ABCD2: variants seen among roughly 807,000 people sequenced by gnomAD.
The protein encoded by ABCD2 is ATP-binding cassette sub-family D member 2.
Under a neutral mutation model 70.9 loss-of-function variants are expected in ABCD2, and 36 were observed. The observed-to-expected ratio is 0.51, with a 90% confidence interval of 0.39 to 0.67. The LOEUF (loss-of-function observed/expected upper bound fraction) is 0.67. Among genes scored for constraint, ABCD2 ranks in the 30% least tolerant of loss-of-function variants. The pLI is 0.00. For synonymous variants in ABCD2, 304 were observed against 306.9 expected, an observed-to-expected ratio of 0.99 and a Z score of 0.10; for missense variants, 729 against 890.2, an observed-to-expected ratio of 0.82 and a Z score of 2.30.
chr12:39,609,741 C>T (rs1052129164), intron 2 of ABCD2, among the ~76,000 whole-genome samples: 3 of 152,102 alleles, frequency 2.0e-5, no homozygotes, highest in African/African-American at 7.2e-5. Flanking sequence ...TACTTTATGC[C>T]TTGCTGTAAT....
the ABCD2 span, among the ~76,000 whole-genome samples, chr12:39,540,707 A>G: frequency 6.8e-3 from 1,036 of 152,320 alleles, 6 homozygotes; most frequent in South Asian, 0.025. Context: ...TAACCTGAAC[A>G]TTTCCTTTCT....
the ABCD2 span, among the ~76,000 whole-genome samples, chr12:39,531,860 C>T: frequency 3.2e-4 from 48 of 152,208 alleles, no homozygotes; most frequent in Middle Eastern, 3.2e-3. Context: ...TCGCAAATGC[C>T]GCCCAGGGGC....
intron 8 of ABCD2, among the ~76,000 whole-genome samples, chr12:39,574,143 C>T (rs111251515): frequency 6.6e-6 from 1 of 152,096 alleles, no homozygotes; most frequent in African/African-American, 2.4e-5. Flanking sequence ...TCACTGAGTA[C>T]ATTTTCCTGC....
chr12:39,564,098 G>A (rs2120557488), intron 9 of ABCD2, among the ~76,000 whole-genome samples: 1 of 152,276 alleles, frequency 6.6e-6, no homozygotes, highest in Middle Eastern at 3.4e-3. Flanking sequence ...ATGTGTGCAT[G>A]TGTCTTTATA....
intron 8 of ABCD2, among the ~76,000 whole-genome samples, chr12:39,574,974 C>G (rs1261327519): frequency 2.0e-5 from 3 of 152,102 alleles, no homozygotes; most frequent in Non-Finnish European, 4.4e-5. Context: ...TGCATGTTCT[C>G]CATGACAACA....
chr12:39,547,873 T>C (rs545188274), downstream of ABCD2, among the ~76,000 whole-genome samples: 1 of 152,218 alleles, frequency 6.6e-6, no homozygotes, highest in East Asian at 1.9e-4. Context: ...TGCTTTGTAA[T>C]AAACTTCTAA....
chr12:39,603,032 A>T (rs553968453), intron 5 of ABCD2, among the ~76,000 whole-genome samples: 1 of 152,268 alleles, frequency 6.6e-6, no homozygotes, highest in South Asian at 2.1e-4. Context: ...TGCAGCTAAA[A>T]ATACAATTTC....
At chr12:39,581,808 G>C (rs1941600007) in intron 7 of ABCD2, among the ~76,000 whole-genome samples, 1 of 152,138 alleles carries the variant, frequency 6.6e-6, no homozygotes, top group Non-Finnish European at 1.5e-5. Context: ...CATGATCACG[G>C]AACACATAAA....
At chr12:39,608,697 AAAAT>A (rs1427881772) in intron 2 of ABCD2, among the ~76,000 whole-genome samples, 2 of 152,064 alleles carry the variant, frequency 1.3e-5, no homozygotes. Flanking sequence ...CAAATAAAAT[AAAAT>A]AAATAAAATA....
Position 39,607,727 on chromosome 12 carries a change from AC to A in ABCD2, c.1121-14del. 6.5e-7 allele frequency: 1 copy of A among 1,546,898 alleles called. No homozygotes were observed. On this transcript the variant is annotated splice_polypyrimidine_tract_variant and intron_variant, in intron 2 of 9. Coordinates refer to ENST00000308666, the MANE Select transcript of ABCD2 (RefSeq NM_005164.4). ...TTTTGGCCATCCTCTAGATATAAAAACAAATTACAAAACTTGAGTTTTTTTT... is the reference window on the plus strand; with the variant it reads ...TTTTGGCCATCCTCTAGATATAAAAAAAATTACAAAACTTGAGTTTTTTTT...
At chr12:39,583,255 T>C (rs1941621916) in intron 7 of ABCD2, among the ~76,000 whole-genome samples, 1 of 152,204 alleles carries the variant, frequency 6.6e-6, no homozygotes, top group Admixed American at 6.5e-5. Flanking sequence ...TAGATATTTA[T>C]CCTCATTTTA....
At chr12:39,534,883 GGAAAGAAAGAAAGAAAGAAAGAAA>G in the ABCD2 span, among the ~76,000 whole-genome samples, 2,060 of 122,838 alleles carry the variant, frequency 0.017, 43 homozygotes, top group African/African-American at 0.039. Flanking sequence ...AAGGAAGGAA[GGAAAGAAAGAAAGAAAGAAAGAAA>G]GAAAGAAAGA....
At chr12:39,594,570 C>T (rs1941789384) in intron 6 of ABCD2, among the ~76,000 whole-genome samples, 1 of 152,038 alleles carries the variant, frequency 6.6e-6, no homozygotes, top group Non-Finnish European at 1.5e-5. Flanking sequence ...GAAATGCCAT[C>T]AAAGAAAATA....
At chr12:39,557,783 G>T (rs1364452391) in intron 9 of ABCD2, among the ~76,000 whole-genome samples, 1 of 152,192 alleles carries the variant, frequency 6.6e-6, no homozygotes, top group Non-Finnish European at 1.5e-5. Context: ...TGGACCTGTG[G>T]TGCACAGAAG....
At position 39,563,538 on chromosome 12, in the gene ABCD2, A is replaced by G. The variant is rs556436532; in HGVS notation, c.2004-9407T>C. On this transcript the variant is annotated intron_variant, in intron 9 of 9. Coordinates refer to ENST00000308666, the MANE Select transcript of ABCD2 (RefSeq NM_005164.4). ...TAGGCAAGAAAAAGAAATAAAAGGC[A>G]TCTGAATTTGAAAGGAAAAAGATAA... 7.2e-5 allele frequency among the ~76,000 whole-genome samples: 11 copies of G among 152,350 alleles called. No homozygotes were observed. In the South Asian group the frequency reaches 2.3e-3, roughly 32 times the overall value.
At chr12:39,537,052 C>CT in the ABCD2 span, among the ~76,000 whole-genome samples, 1,094 of 147,198 alleles carry the variant, frequency 7.4e-3, 6 homozygotes, top group South Asian at 0.017. Context: ...CCTGAGTCCT[C>CT]TTTTTTTTTT....
chr12:39,585,519 C>T (rs1467221169), intron 7 of ABCD2, among the ~76,000 whole-genome samples: 1 of 151,984 alleles, frequency 6.6e-6, no homozygotes, highest in East Asian at 1.9e-4. Flanking sequence ...TTTCTCTTGC[C>T]TGGCTTATCT....
intron 9 of ABCD2, among the ~76,000 whole-genome samples, chr12:39,563,179 T>G (rs1941286408): frequency 1.3e-5 from 2 of 152,090 alleles, no homozygotes; most frequent in Admixed American, 1.3e-4. Context: ...ATAAAGACCA[T>G]ATGTGACAAG....
At chr12:39,593,456 T>C (rs1941773488) in intron 6 of ABCD2, among the ~76,000 whole-genome samples, 1 of 152,134 alleles carries the variant, frequency 6.6e-6, no homozygotes. Flanking sequence ...CCCCCTATGT[T>C]GCCAGGGCTA....
Sources: allele counts gnomAD v4.1 joint callset (sites outside exome capture counted in the v4.1 genomes callset), GRCh38; gene constraint gnomAD v4.1.1; transcripts MANE v1.5; gene names NCBI Gene and HGNC (gene_info 2026-07-23, HGNC 2026-07-21).